The following TENM4 variants were observed in gnomAD, a reference collection of about 807,000 sequenced individuals.
TENM4 encodes teneurin-4.
TENM4 carries 82 observed loss-of-function variants against 243.3 expected under a neutral mutation model. The observed-to-expected ratio is 0.34, with a 90% CI of 0.28 to 0.40. The LOEUF (loss-of-function observed/expected upper bound fraction) is 0.40. Among genes scored for constraint, TENM4 ranks in the 10% least tolerant of loss-of-function variants. The pLI, the probability that TENM4 is intolerant of heterozygous loss-of-function variation, is 1.00. For missense variants in TENM4, 3,138 were observed against 3,673.3 expected (o/e 0.85, Z 3.77); for synonymous variants, 1,412 against 1,456.3 (o/e 0.97, Z 0.69).
At chr11:78,969,758 T>C (rs867442271) in intron 6 of TENM4, among the ~76,000 whole-genome samples, 5 of 152,178 alleles carry the variant, frequency 3.3e-5, no homozygotes, top group African/African-American at 7.2e-5. Context: ...TTTTCCCTGG[T>C]AATTCCCTGG....
chr11:79,413,179 AAC>A (rs1279812868), intron 1 of TENM4, among the ~76,000 whole-genome samples: 4 of 152,226 alleles, frequency 2.6e-5, no homozygotes, highest in Non-Finnish European at 5.9e-5. Context: ...TCAGAGTAAA[AAC>A]ACACATTCTG....
chr11:78,895,960 T>C (rs1855783718), intron 7 of TENM4, among the ~76,000 whole-genome samples: 2 of 152,112 alleles, frequency 1.3e-5, no homozygotes, highest in African/African-American at 4.8e-5. Flanking sequence ...CCTCTAAGCA[T>C]GTGGGGAGGC....
chr11:79,147,937 C>T (rs186433942), intron 4 of TENM4, among the ~76,000 whole-genome samples: 3 of 152,158 alleles, frequency 2.0e-5, no homozygotes, highest in African/African-American at 7.2e-5. Flanking sequence ...TCTGAGTCAG[C>T]AAAACGATCC....
intron 1 of TENM4, among the ~76,000 whole-genome samples, chr11:79,348,482 A>G (rs115368862): frequency 0.022 from 3,312 of 152,308 alleles, 110 homozygotes; most frequent in African/African-American, 0.075. Flanking sequence ...TGCAATAGTT[A>G]CAGACAGAAT....
intron 18 of TENM4, 21 bp from the exon 19 acceptor site, chr11:78,757,042 G>A (rs1856327729): frequency 6.2e-7 from 1 of 1,607,998 alleles, no homozygotes; most frequent in Non-Finnish European, 8.5e-7. Context: ...GACAGAGCAT[G>A]TGGTTTATAT....
chr11:78,979,406 G>A (rs541971514), intron 6 of TENM4, among the ~76,000 whole-genome samples: 2 of 152,200 alleles, frequency 1.3e-5, no homozygotes, highest in Non-Finnish European at 2.9e-5. Context: ...AAAGATCAAG[G>A]CCTTAATTGA....
chr11:78,943,546 C>A (rs886489010), intron 6 of TENM4, among the ~76,000 whole-genome samples: 1 of 152,194 alleles, frequency 6.6e-6, no homozygotes, highest in East Asian at 1.9e-4. Context: ...TCAACAAATA[C>A]ACATACATCA....
chr11:79,336,870 C>T (rs1005449631), intron 1 of TENM4, among the ~76,000 whole-genome samples: 1 of 152,170 alleles, frequency 6.6e-6, no homozygotes, highest in Non-Finnish European at 1.5e-5. Flanking sequence ...GTGTTCACAT[C>T]GACATTTACT....
At chr11:79,281,533 T>C (rs561760869) in intron 2 of TENM4, among the ~76,000 whole-genome samples, 1 of 152,186 alleles carries the variant, frequency 6.6e-6, no homozygotes, top group Non-Finnish European at 1.5e-5. Context: ...TTCAGAGTTA[T>C]CTGCCCCAGC....
intron 28 of TENM4, among the ~76,000 whole-genome samples, chr11:78,695,772 C>A (rs1858945487): frequency 7.0e-6 from 1 of 142,916 alleles, no homozygotes; most frequent in Non-Finnish European, 1.5e-5. Context: ...TTATAAAATG[C>A]TTTTTTTTTT....
chr11:79,174,131 G>A (rs566509380), intron 3 of TENM4, among the ~76,000 whole-genome samples: 90 of 152,274 alleles, frequency 5.9e-4, no homozygotes, highest in Non-Finnish European at 1.0e-3. Context: ...AGCAAAATGA[G>A]TTTTCATAAA....
intron 6 of TENM4, among the ~76,000 whole-genome samples, chr11:79,010,566 T>C (rs1433844885): frequency 6.6e-6 from 1 of 152,072 alleles, no homozygotes; most frequent in Admixed American, 6.6e-5. Flanking sequence ...GCCTCACAAT[T>C]ATGGTGGAAA....
intron 6 of TENM4, among the ~76,000 whole-genome samples, chr11:78,967,212 T>C (rs542632879): frequency 6.6e-6 from 1 of 152,222 alleles, no homozygotes; most frequent in Non-Finnish European, 1.5e-5. Context: ...CTCCCTGCAG[T>C]ATTTACTTGT....
At position 78,653,204 on chromosome 11, in the gene TENM4, G is replaced by A. The variant is rs1261052621; in HGVS notation, c.*4854C>T. 2 of 152,378 alleles carry A rather than the reference G, an allele frequency of 1.3e-5. No individual in the cohort carries two copies. Among genetic ancestry groups the A allele is most frequent in the South Asian group, 4.1e-4 (2 of 4,828 alleles). The allele number at this position is 152,378 out of a possible 1,614,324, so 9.4% of individuals were successfully genotyped here. A position where few individuals can be genotyped will look rare whatever the true frequency, so the allele number is the denominator to read the frequency against. ...CATCCTGATAGCAGCCAGCAGGGAA[G>A]TGCAAACCCAGGATGGCTCGGGGGC... On this transcript the variant is annotated 3_prime_UTR_variant, in exon 34 of 34. Coordinates refer to ENST00000278550, the MANE Select transcript of TENM4 (RefSeq NM_001098816.3).
chr11:79,300,522 T>G (rs1348696136), intron 1 of TENM4, among the ~76,000 whole-genome samples: 3 of 152,232 alleles, frequency 2.0e-5, no homozygotes, highest in Non-Finnish European at 4.4e-5. Flanking sequence ...TTTAAAAAAT[T>G]ATAGCTGCTC....
intron 6 of TENM4, among the ~76,000 whole-genome samples, chr11:78,962,674 G>A (rs1187100346): frequency 6.6e-6 from 1 of 152,234 alleles, no homozygotes; most frequent in Non-Finnish European, 1.5e-5. Context: ...GACGGGGCTA[G>A]GTGATCTATC....
intron 2 of TENM4, among the ~76,000 whole-genome samples, chr11:79,259,661 C>CCATCCATT (rs1488520461): frequency 6.6e-5 from 1 of 15,122 alleles, no homozygotes; most frequent in East Asian, 4.9e-3. Context: ...ATCCATCTAT[C>CCATCCATT]CATCCATCCA....
chr11:79,037,015 C>CAAAAAAAAA (rs369421583), intron 6 of TENM4, among the ~76,000 whole-genome samples: 101 of 91,122 alleles, frequency 1.1e-3, no homozygotes, highest in East Asian at 9.4e-3. Context: ...GACTCCATCT[C>CAAAAAAAAA]AAAAAAAAAA....
At chr11:79,433,549 C>T (rs1859210240) in intron 1 of TENM4, among the ~76,000 whole-genome samples, 1 of 152,160 alleles carries the variant, frequency 6.6e-6, no homozygotes, top group African/African-American at 2.4e-5. Flanking sequence ...CGAGAAAAAT[C>T]GACTTTCAAA....
Sources: gnomAD v4.1 joint callset for allele counts (sites outside exome capture counted in the v4.1 genomes callset) on GRCh38, gnomAD v4.1.1 for gene constraint, MANE v1.5 for transcripts, NCBI Gene and HGNC (gene_info 2026-07-23, HGNC 2026-07-21) for gene names.